PLXND1: variants seen among roughly 807,000 people sequenced by gnomAD.
PLXND1 encodes plexin-D1.
In PLXND1, 54 loss-of-function variants were observed where a neutral mutation model predicts 197.7. That is an observed-to-expected ratio of 0.27 (90% CI 0.22 to 0.34). PLXND1 has a LOEUF of 0.34. Among genes scored for constraint, PLXND1 ranks in the 10% least tolerant of loss-of-function variants. The probability of loss-of-function intolerance (pLI) is 1.00; values close to 1 mark genes in which losing one functional copy is unlikely to be tolerated. For missense variants in PLXND1, 2,127 were observed against 2,699.2 expected (o/e 0.79, Z 4.70); for synonymous variants, 1,180 against 1,161.2 (o/e 1.02, Z -0.33).
In PLXND1 at chr3:129,559,777, A is replaced by G. The variant is rs1236988527; in HGVS notation, c.5140T>C (p.Leu1714=). The change falls in exon 32 of 36, where the codon TTG becomes CTG. Residue 1714 remains leucine (L), a synonymous_variant. Coordinates refer to ENST00000324093, the MANE Select transcript of PLXND1 (RefSeq NM_015103.3). ...LTRLLSTKGT[L]QKFLDDLFKA... is the part of the protein sequence containing the mutation. The stretch of plus-strand genomic sequence containing the variant: ...AACAGGTCATCCAGAAACTTCTGCA[A>G]CGTGCCCTGCGGGGGAGTGGGGTGG... The G allele has an allele frequency of 1.9e-6, 3 of 1,602,674 alleles. No homozygotes were observed. The highest frequency in any genetic ancestry group is 2.6e-6 in the Non-Finnish European group (3 of 1,174,194).
chr3:129,584,031 A>G (rs919267150), intron 7 of PLXND1, 94 bp downstream of exon 7: 5 of 777,638 alleles, frequency 6.4e-6, no homozygotes, highest in African/African-American at 1.7e-5. Flanking sequence ...CGATGCTATG[A>G]TTTTTCTTCT....
In PLXND1 at chr3:129,565,425, G is replaced by C. The variant is rs1445686401; in HGVS notation, c.4436C>G (p.Pro1479Arg). 6.2e-7 allele frequency: 1 copy of C among 1,614,000 alleles called. No homozygotes were observed. The highest frequency in any genetic ancestry group is 8.5e-7 in the Non-Finnish European group (1 of 1,180,024). The change falls in exon 25 of 36, where the codon CCC (proline) becomes CGC (arginine). Residue 1479 changes from proline (P) to arginine (R), a missense_variant. By Grantham distance (103) the Pro-to-Arg change is moderately radical. Around this residue, in one of 6 missense-constraint regions of PLXND1, gnomAD observed 532 missense variants for 811.0 expected, o/e 0.66. Transcript: ENST00000324093. ...CTCTGTGCGCCGCAGCATGAGCTTG[G>C]GGTTCTTGGCGGCCGAGGCGTCAAT... Reference protein sequence around the residue: ...DLIDASAAKNPKLMLRRTESV... With the variant: ...DLIDASAAKNRKLMLRRTESV...
At position 129,571,067 on chromosome 3, in the gene PLXND1, G is replaced by A. The variant is rs772447884; in HGVS notation, c.3573C>T (p.Pro1191=). 3.1e-6 allele frequency: 5 copies of A among 1,614,154 alleles called. No homozygotes were observed. Among genetic ancestry groups the A allele is most frequent in the Non-Finnish European group, 3.4e-6 (4 of 1,179,998 alleles). Residue 1191 remains proline, a synonymous_variant, in exon 18 of 36, where the codon CCC becomes CCT. Transcript: ENST00000324093. ...AKREKWIKHH[P]GEPLTLVIHK... Reference sequence around the variant, plus strand: ...GGATAACGAGGGTGAGAGGCTCCCCGGGGTGGTGCTTGATCCACTTCTCCC... The same window carrying A: ...GGATAACGAGGGTGAGAGGCTCCCCAGGGTGGTGCTTGATCCACTTCTCCC...
chr3:129,568,695 C>T (rs2085177987), intron 20 of PLXND1, among the ~76,000 whole-genome samples: 1 of 152,160 alleles, frequency 6.6e-6, no homozygotes, highest in Non-Finnish European at 1.5e-5. Context: ...ACTACAGACT[C>T]ATGCCACCAT....
In PLXND1 at chr3:129,605,973, G is replaced by C; in HGVS notation, c.667C>G (p.Arg223Gly). The C allele has an allele frequency of 6.2e-7, 1 of 1,611,422 alleles. No individual in the cohort carries two copies. The highest frequency in any genetic ancestry group is 8.5e-7 in the Non-Finnish European group (1 of 1,179,682). The change falls in exon 1 of 36, where the codon CGC becomes GGC. Residue 223 changes from arginine (R) to glycine (G), a missense_variant. Transcript: ENST00000324093. ...YTGYGSSFFP[R>G]NRSLEDHRFE... The stretch of plus-strand genomic sequence containing the variant: ...CGGTGGTCCTCCAGGCTGCGGTTGC[G>C]CGGGAAGAAGGAGCTGCCGTAACCG...
Position 129,565,459 on chromosome 3 carries a change from C to T in PLXND1, c.4402G>A (p.Val1468Met), listed in dbSNP as rs2085125373. The part of the protein sequence containing the change: ...YYTSIMKELL[V>M]DLIDASAAKN... ...GCGGCCGAGGCGTCAATGAGGTCCA[C>T]CAGCAGCTCCTTCATGATGCTGGTG... The change falls in exon 25 of 36, where the codon GTG becomes ATG. Residue 1468 changes from valine to methionine, a missense_variant. By Grantham distance (21) the Val-to-Met change is conservative. Around this residue, in one of 6 missense-constraint regions of PLXND1, gnomAD observed 532 missense variants for 811.0 expected, o/e 0.66. Transcript: ENST00000324093. 3 of 1,613,922 alleles carry T rather than the reference C, an allele frequency of 1.9e-6. No individual in the cohort carries two copies. The highest frequency in any genetic ancestry group is 3.3e-5 in the Admixed American group (2 of 60,010).
At position 129,583,551 on chromosome 3, in the gene PLXND1, C is replaced by T. The variant is rs1214312010; in HGVS notation, c.2241+16G>A. ...ATGAAACAGCAGAGGCGGAGGGGCC[C>T]CCTAGCCTGGCTTACCGTGGGGTTT... On this transcript the variant is annotated intron_variant, in intron 8 of 35. Transcript: ENST00000324093. The T allele has an allele frequency of 3.2e-6, 5 of 1,580,768 alleles. No individual in the cohort carries two copies. The highest frequency in any genetic ancestry group is 2.7e-5 in the African/African-American group (2 of 73,920).
intron 25 of PLXND1, among the ~76,000 whole-genome samples, chr3:129,563,946 C>T (rs553137894): frequency 2.0e-5 from 3 of 152,382 alleles, no homozygotes; most frequent in East Asian, 3.9e-4. Context: ...CCTGCCAGCC[C>T]AAGTCCTGGT....
In PLXND1 at chr3:129,578,438, A is replaced by G. The variant is rs927672064; in HGVS notation, c.2242-5T>C. On this transcript the variant is annotated splice_region_variant and splice_polypyrimidine_tract_variant and intron_variant, in intron 8 of 35. Coordinates refer to ENST00000324093, the MANE Select transcript of PLXND1 (RefSeq NM_015103.3). The stretch of plus-strand genomic sequence containing the variant: ...CCGGGGGCAGTCCTGAGGGCTCTGC[A>G]GAGGAAACAGAAGGAGAGGGTGACA... The G allele has an allele frequency of 4.5e-6, 7 of 1,558,486 alleles. No homozygotes were observed. In the Admixed American group the frequency reaches 1.3e-4, roughly 29 times the overall value.
rs769967463 is a variant in PLXND1 at position 129,571,303 on chromosome 3, G to A, written c.3337C>T (p.Leu1113Phe). ...AVHHIGREPT[L>F]CKVLNSTLIT... ...AGGGTGGAGTTGAGAACCTTGCAGA[G>A]CTGGTGCAGGAGAGCCAGGGGCCCA... The change falls in exon 18 of 36, where the codon CTC becomes TTC. Residue 1113 changes from leucine to phenylalanine, a missense_variant and splice_region_variant. Transcript: ENST00000324093. 1.2e-5 allele frequency: 20 copies of A among 1,611,342 alleles called. No homozygotes were observed. In the East Asian group the frequency reaches 4.5e-4, roughly 36 times the overall value.
At chr3:129,572,518 C>T (rs2085248921) in intron 15 of PLXND1, 91 bp downstream of exon 15, 3 of 1,180,294 alleles carry the variant, frequency 2.5e-6, no homozygotes, top group Non-Finnish European at 3.4e-6. Flanking sequence ...CCAAGAGAGG[C>T]TTGGCTCAAG....
intron 2 of PLXND1, among the ~76,000 whole-genome samples, chr3:129,586,962 C>T (rs913935587): frequency 3.3e-5 from 5 of 152,188 alleles, no homozygotes; most frequent in Non-Finnish European, 7.3e-5. Flanking sequence ...GCCCTGTGAA[C>T]GTGTGCAGGC....
At chr3:129,571,430 GGGA>G in intron 17 of PLXND1, 76 bp downstream of exon 17, 1 of 1,520,356 alleles carries the variant, frequency 6.6e-7, no homozygotes. Context: ...GAGATGCAGT[GGGA>G]GGAGGCCTGG....
Position 129,606,522 on chromosome 3 carries a change from C to T in PLXND1, c.118G>A (p.Gly40Arg), listed in dbSNP as rs750256010. ...TCCAGGGCGCCGGCCCGCGCCGCCC[C>T]CAGGAGCAGCAGCAACAGCAGCGGC... ...PVPLLLLLLL[G>R]AARAGALEIQ... The change falls in exon 1 of 36, where the codon GGG (glycine) becomes AGG (arginine). Residue 40 changes from glycine (G) to arginine (R), a missense_variant. Coordinates refer to ENST00000324093, the MANE Select transcript of PLXND1 (RefSeq NM_015103.3). 1 of 1,375,764 alleles carries T rather than the reference C, an allele frequency of 7.3e-7. No homozygotes were observed. The highest frequency in any genetic ancestry group is 2.9e-5 in the East Asian group (1 of 34,546). The allele number at this position is 1,375,764 out of a possible 1,614,324, so 85.2% of individuals were successfully genotyped here.
chr3:129,562,796 C>T lies in PLXND1; in HGVS notation c.4816G>A (p.Val1606Ile), dbSNP rs201851084. 1.4e-4 allele frequency: 227 copies of T among 1,595,438 alleles called. No homozygotes were observed. The highest frequency in any genetic ancestry group is 9.6e-5 in the Non-Finnish European group (112 of 1,164,788). Residue 1606 changes from valine to isoleucine, a missense_variant, in exon 27 of 36, where the codon GTC (valine) becomes ATC (isoleucine). Physicochemically the swap from Val to Ile is conservative, Grantham distance 29. This residue lies in a region of PLXND1 where 532 missense variants were observed against 811.0 expected (regional missense o/e 0.66). Transcript: ENST00000324093. ...PYSQWPRAEDVDLEWFASSTQ... is the reference protein window; with the variant it reads ...PYSQWPRAEDIDLEWFASSTQ... ...CCCCATTCCCACCCACCAAGGTCGA[C>T]GTCCTCTGCACGCGGCCACTGGGAG...
chr3:129,581,898 T>C (rs926051045), intron 8 of PLXND1, among the ~76,000 whole-genome samples: 2 of 152,230 alleles, frequency 1.3e-5, no homozygotes, highest in African/African-American at 4.8e-5. Context: ...AGTGTGATGC[T>C]TCCCACCACC....
chr3:129,583,283 C>G (rs1411301523), intron 8 of PLXND1, among the ~76,000 whole-genome samples: 1 of 152,176 alleles, frequency 6.6e-6, no homozygotes, highest in Non-Finnish European at 1.5e-5. Flanking sequence ...ACTATGGCCA[C>G]ACTACCAGCC....
intron 19 of PLXND1, chr3:129,570,562 C>T (rs2108774161): frequency 1.7e-6 from 1 of 584,678 alleles, no homozygotes; most frequent in Non-Finnish European, 3.1e-6. Flanking sequence ...TTCTGATGGT[C>T]CAGGTCCAGA....
intron 5 of PLXND1, among the ~76,000 whole-genome samples, chr3:129,584,979 C>T (rs1409714594): frequency 6.6e-6 from 1 of 152,132 alleles, no homozygotes; most frequent in Non-Finnish European, 1.5e-5. Context: ...ACCCACAACC[C>T]GCTCCCCACC....
Sources: gnomAD v4.1 joint callset for allele counts (sites outside exome capture counted in the v4.1 genomes callset) on GRCh38, gnomAD v4.1.1 for gene constraint, gnomAD v4.1.1 regional missense constraint, MANE v1.5 for transcripts, NCBI Gene and HGNC (gene_info 2026-07-23, HGNC 2026-07-21) for gene names.